MACROD2: variants seen among roughly 807,000 people sequenced by gnomAD.
The protein encoded by MACROD2 is mono-ADP ribosylhydrolase 2.
A neutral mutation model predicts 70.4 loss-of-function variants in MACROD2; 36 were observed. That is an observed-to-expected ratio of 0.51 (90% CI 0.39 to 0.68). MACROD2 has a LOEUF of 0.68. MACROD2 is among the 30% of genes least tolerant of loss of function. The probability of loss-of-function intolerance (pLI) is 0.00; values close to 1 mark genes in which losing one functional copy is unlikely to be tolerated. For synonymous variants in MACROD2, 172 were observed against 178.8 expected, an observed-to-expected ratio of 0.96 and a Z score of 0.30; for missense variants, 496 against 538.4, an observed-to-expected ratio of 0.92 and a Z score of 0.78.
intron 8 of MACROD2, among the ~76,000 whole-genome samples, chr20:15,665,964 A>G (rs1322470636): frequency 6.7e-6 from 1 of 149,544 alleles, no homozygotes; most frequent in African/African-American, 2.5e-5. Flanking sequence ...GATATGCTTG[A>G]TATTTCATGC....
intron 5 of MACROD2, among the ~76,000 whole-genome samples, chr20:14,954,625 T>G (rs1204854815): frequency 7.7e-6 from 1 of 130,576 alleles, no homozygotes; most frequent in South Asian, 2.2e-4. Flanking sequence ...ATATAATTTA[T>G]ATAAATACAA....
chr20:15,406,888 G>T (rs1360537617), intron 6 of MACROD2, among the ~76,000 whole-genome samples: 2 of 152,166 alleles, frequency 1.3e-5, no homozygotes, highest in African/African-American at 4.8e-5. Flanking sequence ...CCAAACAAGA[G>T]AATGGTTCAG....
chr20:15,947,417 T>A (rs1239314337), intron 12 of MACROD2, among the ~76,000 whole-genome samples: 1 of 135,692 alleles, frequency 7.4e-6, no homozygotes, highest in Admixed American at 7.7e-5. Context: ...TGGCAATGAC[T>A]TTTACCAAGC....
chr20:15,181,788 C>T (rs563604811), intron 5 of MACROD2, among the ~76,000 whole-genome samples: 1 of 152,240 alleles, frequency 6.6e-6, no homozygotes, highest in South Asian at 2.1e-4. Flanking sequence ...TCACCATGTC[C>T]ATCCCTTGAC....
At chr20:15,911,111 T>A (rs1231415664) in intron 10 of MACROD2, among the ~76,000 whole-genome samples, 1 of 152,220 alleles carries the variant, frequency 6.6e-6, no homozygotes, top group Non-Finnish European at 1.5e-5. Flanking sequence ...TGATCTAGCA[T>A]CTGCCCTTGA....
At chr20:14,743,222 G>T (rs1241950030) in intron 5 of MACROD2, among the ~76,000 whole-genome samples, 1 of 152,102 alleles carries the variant, frequency 6.6e-6, no homozygotes, top group East Asian at 1.9e-4. Context: ...GTGGTAGTAA[G>T]AATGCTGGTC....
chr20:15,116,561 C>T (rs1394250265), intron 5 of MACROD2, among the ~76,000 whole-genome samples: 7 of 152,164 alleles, frequency 4.6e-5, no homozygotes, highest in Admixed American at 4.6e-4. Flanking sequence ...AGGAGAATCG[C>T]TTAAACCTGG....
At chr20:15,880,242 C>A (rs571381959) in intron 9 of MACROD2, among the ~76,000 whole-genome samples, 1 of 152,060 alleles carries the variant, frequency 6.6e-6, no homozygotes, top group East Asian at 1.9e-4. Flanking sequence ...CAGAACAGAT[C>A]GGGTTAGTTG....
chr20:15,874,624 G>A (rs183671115), intron 9 of MACROD2, among the ~76,000 whole-genome samples: 50 of 152,204 alleles, frequency 3.3e-4, no homozygotes, highest in Admixed American at 2.5e-3. Flanking sequence ...GCATGAGATG[G>A]TATCTCATTG....
intron 8 of MACROD2, among the ~76,000 whole-genome samples, chr20:15,785,710 C>T (rs2051913654): frequency 6.6e-6 from 1 of 152,082 alleles, no homozygotes; most frequent in African/African-American, 2.4e-5. Flanking sequence ...CCTCAGGTGT[C>T]CAACATTCCT....
chr20:15,612,216 C>G (rs561539026), intron 8 of MACROD2, among the ~76,000 whole-genome samples: 1 of 152,152 alleles, frequency 6.6e-6, no homozygotes, highest in African/African-American at 2.4e-5. Flanking sequence ...TAGCATGAGC[C>G]ATGCCGGCTC....
rs377594488 is a variant in MACROD2, at chr20:14,819,360, G to A, written c.418+134401G>A. Among the ~76,000 whole-genome samples the A allele has an allele frequency of 2.7e-4, 40 of 150,648 alleles. No individual in the cohort carries two copies. In the East Asian group the frequency reaches 7.0e-3, roughly 27 times the overall value. ...ACCTGAGTATCTTGAATTCTCAGGT[G>A]TGGCTGCAAGACGTATTGATAAGAA... On this transcript the variant is annotated intron_variant, in intron 5 of 17. Transcript: ENST00000684519.
At chr20:15,954,012 C>T (rs1250224577) in intron 12 of MACROD2, among the ~76,000 whole-genome samples, 1 of 152,126 alleles carries the variant, frequency 6.6e-6, no homozygotes, top group Non-Finnish European at 1.5e-5. Context: ...AAACAGATAG[C>T]TGGCTTTAAT....
chr20:14,817,566 G>A lies in MACROD2; in HGVS notation c.418+132607G>A, dbSNP rs375416016. On this transcript the variant is annotated intron_variant, in intron 5 of 17. Transcript: ENST00000684519. ...CTTGGGCTGTCTTAGCTGATTGCAC[G>A]TTGACTTCTGTATTCTTCATATACG... is the stretch of plus-strand genomic sequence containing the variant. Among the ~76,000 whole-genome samples, 29 of 152,272 alleles carry A rather than the reference G, an allele frequency of 1.9e-4. 1 individual carries two copies. In the South Asian group the frequency reaches 4.1e-3, roughly 22 times the overall value.
intron 5 of MACROD2, among the ~76,000 whole-genome samples, chr20:15,127,863 A>G (rs979754286): frequency 2.0e-5 from 3 of 152,094 alleles, no homozygotes; most frequent in African/African-American, 7.2e-5. Context: ...GGGTGGGGAT[A>G]ATTAGGGGTC....
chr20:14,331,588 C>T (rs538489844), intron 3 of MACROD2, among the ~76,000 whole-genome samples: 11 of 152,178 alleles, frequency 7.2e-5, no homozygotes, highest in Admixed American at 1.3e-4. Flanking sequence ...ATGAAGATTA[C>T]GTTCAGAGCT....
chr20:14,960,756 A>G (rs1166288674), intron 5 of MACROD2, among the ~76,000 whole-genome samples: 3 of 152,098 alleles, frequency 2.0e-5, no homozygotes, highest in Non-Finnish European at 2.9e-5. Context: ...CATCTTATAC[A>G]TGGAACTTTT....
intron 8 of MACROD2, among the ~76,000 whole-genome samples, chr20:15,747,551 T>G (rs1385098833): frequency 6.6e-6 from 1 of 152,168 alleles, no homozygotes; most frequent in Non-Finnish European, 1.5e-5. Flanking sequence ...TAAATAGTAT[T>G]GTTATGTTTA....
intron 8 of MACROD2, among the ~76,000 whole-genome samples, chr20:15,516,483 CA>C (rs2047569318): frequency 6.6e-6 from 1 of 152,092 alleles, no homozygotes; most frequent in East Asian, 1.9e-4. Context: ...GGAGAAAACA[CA>C]AAGAGGCAAT....
Sources: gnomAD v4.1 joint callset for allele counts (sites outside exome capture counted in the v4.1 genomes callset) on GRCh38, gnomAD v4.1.1 for gene constraint, MANE v1.5 for transcripts, NCBI Gene and HGNC (gene_info 2026-07-23, HGNC 2026-07-21) for gene names.